Variants in SCARA3 observed in about 807,000 individuals in gnomAD.
The protein encoded by SCARA3 is scavenger receptor class A member 3.
Under a neutral mutation model 47.0 loss-of-function variants are expected in SCARA3, and 39 were observed. That is an observed-to-expected ratio of 0.83 (90% CI 0.64 to 1.08). SCARA3 has a LOEUF of 1.08. Among genes scored for constraint, SCARA3 ranks in the 50% least tolerant of loss-of-function variants. The pLI is 0.00. For missense variants in SCARA3, 724 were observed against 792.3 expected (o/e 0.91, Z 1.04); for synonymous variants, 356 against 334.1 (o/e 1.07, Z -0.71).
chr8:27,656,727 T>G lies in SCARA3; in HGVS notation c.227-55T>G. ...TAAAGATGCCTTCTCAAGGAATGAC[T>G]GCTGTTTCTCTGAGCTTAGACCCTG... On this transcript the variant is annotated intron_variant, in intron 3 of 5. Coordinates refer to ENST00000301904, the MANE Select transcript of SCARA3 (RefSeq NM_016240.3). The G allele has an allele frequency of 3.7e-6, 4 of 1,072,892 alleles. No individual in the cohort carries two copies. In the South Asian group the frequency reaches 5.0e-5, roughly 13 times the overall value. 66.5% of individuals were successfully genotyped at this position (1,072,892 alleles called of 1,614,324 possible).
At chr8:27,680,257 A>G (rs2128925759), downstream of SCARA3, among the ~76,000 whole-genome samples, 1 of 152,128 alleles carries the variant, frequency 6.6e-6, no homozygotes, top group South Asian at 2.1e-4. Flanking sequence ...AAAAAAGAAA[A>G]TAAAGGAAAA....
chr8:27,727,394 C>A, the SCARA3 span, among the ~76,000 whole-genome samples: 2 of 152,234 alleles, frequency 1.3e-5, no homozygotes, highest in Non-Finnish European at 2.9e-5. Context: ...CCGCGTGATG[C>A]GCGCCGAGAC....
chr8:27,689,381 G>A, the SCARA3 span, among the ~76,000 whole-genome samples: 7 of 152,278 alleles, frequency 4.6e-5, no homozygotes, highest in Admixed American at 2.0e-4. Context: ...GAAGAGGAAC[G>A]AGGAAGGGAA....
chr8:27,692,432 A>AC, the SCARA3 span, among the ~76,000 whole-genome samples: 3 of 150,462 alleles, frequency 2.0e-5, no homozygotes, highest in African/African-American at 2.4e-5. Flanking sequence ...AAAAAAAAAA[A>AC]AAAACAAAAC....
At position 27,672,386 on chromosome 8, in the gene SCARA3, C is replaced by G. The variant is rs868537096; in HGVS notation, c.*1035C>G. ...AGACAGAGGCAGGCCAGAAGGTTCTCTCTGCACAGCTGCCTCCCTTGCTCT... is the reference window on the plus strand; with the variant it reads ...AGACAGAGGCAGGCCAGAAGGTTCTGTCTGCACAGCTGCCTCCCTTGCTCT... On this transcript the variant is annotated 3_prime_UTR_variant, in exon 6 of 6. Coordinates refer to ENST00000301904, the MANE Select transcript of SCARA3 (RefSeq NM_016240.3). 5 of 985,482 alleles carry G rather than the reference C, an allele frequency of 5.1e-6. No homozygotes were observed. The highest frequency in any genetic ancestry group is 1.1e-4 in the East Asian group (1 of 8,806). 61.0% of individuals were successfully genotyped at this position (985,482 alleles called of 1,614,324 possible).
At chr8:27,688,825 C>T in the SCARA3 span, among the ~76,000 whole-genome samples, 1 of 152,080 alleles carries the variant, frequency 6.6e-6, no homozygotes, top group Non-Finnish European at 1.5e-5. Flanking sequence ...TTAGGGAGGG[C>T]CACACGGGGC....
chr8:27,722,897 C>A, the SCARA3 span, among the ~76,000 whole-genome samples: 1 of 152,140 alleles, frequency 6.6e-6, no homozygotes, highest in Non-Finnish European at 1.5e-5. Flanking sequence ...GGCACCAGGT[C>A]CACTTGTCCC....
intron 5 of SCARA3, among the ~76,000 whole-genome samples, chr8:27,667,643 T>A (rs1435151877): frequency 6.6e-6 from 1 of 152,234 alleles, no homozygotes; most frequent in Non-Finnish European, 1.5e-5. Context: ...GCCTCCTGCC[T>A]GGGACATAGC....
the SCARA3 span, among the ~76,000 whole-genome samples, chr8:27,717,970 C>T: frequency 2.0e-5 from 3 of 152,176 alleles, no homozygotes; most frequent in Admixed American, 6.5e-5. Flanking sequence ...CCTCCCCAGA[C>T]TCCCAGGTGG....
At chr8:27,712,137 C>G in the SCARA3 span, among the ~76,000 whole-genome samples, 1 of 152,226 alleles carries the variant, frequency 6.6e-6, no homozygotes, top group African/African-American at 2.4e-5. Flanking sequence ...CTCCCTCCAT[C>G]CTAATCCCTG....
At chr8:27,730,798 A>C in the SCARA3 span, among the ~76,000 whole-genome samples, 1 of 151,730 alleles carries the variant, frequency 6.6e-6, no homozygotes, top group Non-Finnish European at 1.5e-5. Context: ...GCTGCCTTTG[A>C]TTTTTAAAAA....
the SCARA3 span, among the ~76,000 whole-genome samples, chr8:27,690,302 G>A: frequency 5.8e-4 from 2 of 3,430 alleles, no homozygotes; most frequent in African/African-American, 6.0e-4. Context: ...ATTTAAAGAA[G>A]GGGGCAAATA....
the SCARA3 span, among the ~76,000 whole-genome samples, chr8:27,688,186 A>G: frequency 1.3e-5 from 2 of 152,218 alleles, no homozygotes; most frequent in Non-Finnish European, 2.9e-5. Context: ...ATGAAAAATG[A>G]TAAACAGAAC....
the SCARA3 span, among the ~76,000 whole-genome samples, chr8:27,705,491 G>A: frequency 6.6e-6 from 1 of 152,278 alleles, no homozygotes; most frequent in African/African-American, 2.4e-5. Flanking sequence ...TCACCCGACA[G>A]GGGCTCCTTG....
chr8:27,651,769 T>G, intron 3 of SCARA3, 142 bp downstream of exon 3: 1 of 1,189,818 alleles, frequency 8.4e-7, no homozygotes, highest in Non-Finnish European at 1.2e-6. Flanking sequence ...AGGGGATCTC[T>G]ATGCCTAATG....
chr8:27,710,209 G>A, the SCARA3 span, among the ~76,000 whole-genome samples: 3 of 140,112 alleles, frequency 2.1e-5, no homozygotes, highest in East Asian at 6.2e-4. Flanking sequence ...CAGCCTGGGC[G>A]ACAGAGCGAG....
At chr8:27,701,358 T>G in the SCARA3 span, 4 of 152,294 alleles carry the variant, frequency 2.6e-5, no homozygotes, top group Non-Finnish European at 4.4e-5. Context: ...TTACTGAGTG[T>G]ATATATTTGT....
At chr8:27,644,469 C>T (rs1258462571) in intron 1 of SCARA3, among the ~76,000 whole-genome samples, 1 of 152,130 alleles carries the variant, frequency 6.6e-6, no homozygotes, top group Non-Finnish European at 1.5e-5. Flanking sequence ...TCATGATTCC[C>T]ATGCTGTCCC....
At chr8:27,715,725 CACAG>C in the SCARA3 span, among the ~76,000 whole-genome samples, 251 of 151,950 alleles carry the variant, frequency 1.7e-3, 7 homozygotes, top group East Asian at 0.037. The surrounding 1 kb of genome is among the most constrained non-coding windows in gnomAD (Gnocchi z 4.2). Flanking sequence ...TAGAGACAGA[CACAG>C]ACAGACAAAC....
Sources: allele counts gnomAD v4.1 joint callset (sites outside exome capture counted in the v4.1 genomes callset), GRCh38; gene constraint gnomAD v4.1.1; non-coding constraint Gnocchi (gnomAD v3.1); transcripts MANE v1.5; gene names NCBI Gene and HGNC (gene_info 2026-07-23, HGNC 2026-07-21).